FAM72C: variants seen among roughly 807,000 people sequenced by gnomAD.
FAM72C encodes protein FAM72C.
A neutral mutation model predicts 5.2 loss-of-function variants in FAM72C; 1 was observed. The observed-to-expected ratio is 0.19, with a 90% CI of 0.07 to 0.91. The LOEUF is 0.91. Among genes scored for constraint, FAM72C ranks in the 40% least tolerant of loss-of-function variants. The pLI is 0.66. For synonymous variants in FAM72C, 1 was observed against 21.8 expected, an observed-to-expected ratio of 0.05 and a Z score of 2.66; for missense variants, 4 against 66.0, an observed-to-expected ratio of 0.06 and a Z score of 3.25.
At chr1:143,962,265 C>T (rs1167148421) in intron 3 of FAM72C, among the ~76,000 whole-genome samples, 15 of 144,972 alleles carry the variant, frequency 1.0e-4, no homozygotes, top group African/African-American at 3.5e-4. Flanking sequence ...CTGCCCGCTT[C>T]GGCCTCCCAA....
chr1:143,959,197 C>A (rs1226635247), intron 3 of FAM72C, among the ~76,000 whole-genome samples: 4 of 137,298 alleles, frequency 2.9e-5, no homozygotes, highest in Admixed American at 2.8e-4. Context: ...TGGAAGAATG[C>A]GGGGCTTTTA....
chr1:143,960,785 A>ATT (rs1428610753), intron 3 of FAM72C, among the ~76,000 whole-genome samples: 1 of 136,028 alleles, frequency 7.4e-6, no homozygotes, highest in African/African-American at 2.8e-5. Context: ...AGGAAAAAGA[A>ATT]TTTTTTTTTT....
intron 3 of FAM72C, among the ~76,000 whole-genome samples, chr1:143,961,952 C>T (rs1459146199): frequency 4.1e-5 from 6 of 146,626 alleles, no homozygotes; most frequent in Non-Finnish European, 7.6e-5. Context: ...GCAAGTTATC[C>T]AGAAGATCTA....
At chr1:143,965,246 G>A (rs1325164879) in intron 2 of FAM72C, among the ~76,000 whole-genome samples, 2 of 105,548 alleles carry the variant, frequency 1.9e-5, no homozygotes, top group East Asian at 2.5e-4. Flanking sequence ...ACCGAGTTTT[G>A]CTCTTGTCAC....
intron 3 of FAM72C, among the ~76,000 whole-genome samples, chr1:143,963,896 C>T (rs1443418544): frequency 8.1e-6 from 1 of 122,750 alleles, no homozygotes; most frequent in Non-Finnish European, 1.7e-5. Context: ...CAGCTCACTG[C>T]AGCCTCTACC....
intron 3 of FAM72C, among the ~76,000 whole-genome samples, chr1:143,959,766 A>G (rs1419481079): frequency 2.5e-4 from 31 of 125,710 alleles, no homozygotes; most frequent in Admixed American, 2.4e-4. Context: ...ACTTGAGGAC[A>G]GGAGTTCGAG....
chr1:143,966,784 T>G (rs1661782848), intron 2 of FAM72C, among the ~76,000 whole-genome samples: 3 of 145,278 alleles, frequency 2.1e-5, no homozygotes, highest in East Asian at 2.0e-4. Context: ...TCCCAGCACT[T>G]TGGGAGGCTG....
At chr1:143,966,706 A>G (rs1661780077) in intron 2 of FAM72C, among the ~76,000 whole-genome samples, 1 of 144,070 alleles carries the variant, frequency 6.9e-6, no homozygotes, top group Admixed American at 7.0e-5. Flanking sequence ...TATGATTAAA[A>G]TTAACTTTCC....
In FAM72C at chr1:143,955,428, C is replaced by T. The variant is rs1661445865; in HGVS notation, c.*959G>A. The T allele has an allele frequency of 7.4e-6, 1 of 135,610 alleles. No individual in the cohort carries two copies. The highest frequency in any genetic ancestry group is 1.6e-5 in the Non-Finnish European group (1 of 62,462). The allele number at this position is 135,610 out of a possible 1,614,324, so 8.4% of individuals were successfully genotyped here. A position where few individuals can be genotyped will look rare whatever the true frequency, so the allele number is the denominator to read the frequency against. On this transcript the variant is annotated 3_prime_UTR_variant, in exon 4 of 4. Coordinates refer to ENST00000584486, the MANE Select transcript of FAM72C (RefSeq NM_001287385.2). Reference sequence around the variant, plus strand: ...AGTCTGCTTTGGTATTGACAAAATCCCTACAACTGAGATATTAAAGAGATA... The same window carrying T: ...AGTCTGCTTTGGTATTGACAAAATCTCTACAACTGAGATATTAAAGAGATA...
chr1:143,960,718 T>A (rs1661594102), intron 3 of FAM72C, among the ~76,000 whole-genome samples: 1 of 113,850 alleles, frequency 8.8e-6, no homozygotes, highest in African/African-American at 3.7e-5. Context: ...TGAAACTCTG[T>A]CTCAAAAAAA....
intron 3 of FAM72C, among the ~76,000 whole-genome samples, chr1:143,960,766 C>T (rs1553517797): frequency 1.4e-5 from 2 of 140,754 alleles, no homozygotes; most frequent in South Asian, 2.3e-4. Context: ...GCCTCAGCAC[C>T]TTAACACAAG....
chr1:143,960,639 T>C (rs1401571495), intron 3 of FAM72C, among the ~76,000 whole-genome samples: 1 of 129,306 alleles, frequency 7.7e-6, no homozygotes, highest in Non-Finnish European at 1.7e-5. Context: ...GAGAATCGCT[T>C]GAACCCGGGA....
chr1:143,960,314 G>A (rs1553517734), intron 3 of FAM72C, among the ~76,000 whole-genome samples: 1 of 75,930 alleles, frequency 1.3e-5, no homozygotes, highest in African/African-American at 5.8e-5. Context: ...GCTGAGGCAG[G>A]AGAATCACTT....
At position 143,963,781 on chromosome 1, in the gene FAM72C, G is replaced by T. The variant is rs1553518054; in HGVS notation, c.355+1074C>A. ...GCAAAAAGATTATGACTTGCTGAAG[G>T]TTCAGATGATCATTAGCAGTTTTTA... On this transcript the variant is annotated intron_variant, in intron 3 of 3. Transcript: ENST00000584486. 2.9e-5 allele frequency among the ~76,000 whole-genome samples: 4 copies of T among 138,598 alleles called. 1 individual carries two copies. Among genetic ancestry groups the T allele is most frequent in the African/African-American group, 5.4e-5 (2 of 37,018 alleles). The allele number at this position is 138,598 out of a possible 152,430, so 90.9% of individuals were successfully genotyped here.
At chr1:143,962,345 T>C (rs3939610) in intron 3 of FAM72C, among the ~76,000 whole-genome samples, 10 of 138,538 alleles carry the variant, frequency 7.2e-5, no homozygotes, top group South Asian at 2.5e-4. Flanking sequence ...AGATGGAGTT[T>C]CACTCTTGGT....
intron 3 of FAM72C, among the ~76,000 whole-genome samples, chr1:143,962,195 G>A (rs1661661195): frequency 7.0e-6 from 1 of 142,042 alleles, no homozygotes; most frequent in Non-Finnish European, 1.6e-5. Flanking sequence ...TGTATTTTTA[G>A]TAGAGACGGG....
chr1:143,967,353 C>A (rs1461307915), intron 2 of FAM72C, among the ~76,000 whole-genome samples: 4 of 144,306 alleles, frequency 2.8e-5, no homozygotes, highest in African/African-American at 1.0e-4. Flanking sequence ...TGGTGCGTGC[C>A]TGTAGTCTCA....
At chr1:143,966,366 C>G in intron 2 of FAM72C, among the ~76,000 whole-genome samples, 1 of 117,076 alleles carries the variant, frequency 8.5e-6, no homozygotes, top group Middle Eastern at 4.0e-3. Context: ...AAAACAAAGC[C>G]CTTGTTGTCA....
At chr1:143,960,539 C>T (rs1336886136) in intron 3 of FAM72C, among the ~76,000 whole-genome samples, 1 of 140,736 alleles carries the variant, frequency 7.1e-6, no homozygotes, top group Non-Finnish European at 1.6e-5. Flanking sequence ...ACCAGCCTGA[C>T]CAACATGGTG....
Sources: allele counts gnomAD v4.1 joint callset (sites outside exome capture counted in the v4.1 genomes callset), GRCh38; gene constraint gnomAD v4.1.1; transcripts MANE v1.5; gene names NCBI Gene and HGNC (gene_info 2026-07-23, HGNC 2026-07-21).